Variants in CCDC178 observed in about 807,000 individuals in gnomAD.
CCDC178 encodes the protein coiled-coil domain containing 178.
A neutral mutation model predicts 117.4 loss-of-function variants in CCDC178; 126 were observed. That is an observed-to-expected ratio of 1.07 (90% CI 0.93 to 1.24). The LOEUF is 1.24. Among genes scored for constraint, CCDC178 ranks in the 50% most tolerant of loss-of-function variants. The pLI is 0.00. For synonymous variants in CCDC178, 283 were observed against 313.4 expected, an observed-to-expected ratio of 0.90 and a Z score of 1.02; for missense variants, 1,030 against 986.9, an observed-to-expected ratio of 1.04 and a Z score of -0.59.
intron 21 of CCDC178, among the ~76,000 whole-genome samples, chr18:33,018,695 T>G (rs749041310): frequency 2.6e-4 from 40 of 152,148 alleles, no homozygotes; most frequent in African/African-American, 9.4e-4. Context: ...AATAGGCAAA[T>G]CTATAGACAC....
chr18:33,431,100 A>C (rs1162885664), intron 2 of CCDC178, among the ~76,000 whole-genome samples: 1 of 150,008 alleles, frequency 6.7e-6, no homozygotes, highest in African/African-American at 2.4e-5. Flanking sequence ...AAAGAACATC[A>C]GCAACAATAA....
intron 21 of CCDC178, among the ~76,000 whole-genome samples, chr18:32,994,711 T>G (rs2055468636): frequency 6.6e-6 from 1 of 152,206 alleles, no homozygotes; most frequent in African/African-American, 2.4e-5. Context: ...CAAATAGGTT[T>G]TGTCTCAAGT....
chr18:33,105,593 G>A (rs2057694684), intron 20 of CCDC178, among the ~76,000 whole-genome samples: 1 of 151,480 alleles, frequency 6.6e-6, no homozygotes, highest in South Asian at 2.1e-4. Flanking sequence ...TATTTTGTTT[G>A]TGTGTGTGTT....
intron 2 of CCDC178, among the ~76,000 whole-genome samples, chr18:33,434,385 G>T (rs1267487526): frequency 1.3e-5 from 2 of 152,186 alleles, no homozygotes; most frequent in East Asian, 1.9e-4. Flanking sequence ...AGTGGGTAAA[G>T]AAATACATTT....
At chr18:33,208,662 A>C (rs1244846462) in intron 20 of CCDC178, among the ~76,000 whole-genome samples, 1 of 152,110 alleles carries the variant, frequency 6.6e-6, no homozygotes, top group Non-Finnish European at 1.5e-5. Flanking sequence ...TAATCTTTAG[A>C]ATATCTCAGA....
At chr18:33,003,963 A>T (rs537112081) in intron 21 of CCDC178, among the ~76,000 whole-genome samples, 103 of 152,226 alleles carry the variant, frequency 6.8e-4, no homozygotes, top group African/African-American at 2.3e-3. Flanking sequence ...CTAGTAATTA[A>T]CTAAAAAAGT....
At chr18:32,993,989 A>G (rs1882135668) in intron 21 of CCDC178, among the ~76,000 whole-genome samples, 2 of 152,048 alleles carry the variant, frequency 1.3e-5, no homozygotes, top group Non-Finnish European at 2.9e-5. Context: ...AACAGAGATT[A>G]CTACTATATA....
chr18:33,421,970 C>A (rs2064032822), intron 2 of CCDC178, among the ~76,000 whole-genome samples: 2 of 152,148 alleles, frequency 1.3e-5, no homozygotes, highest in African/African-American at 4.8e-5. Context: ...CAGAAGAAAT[C>A]AGACTTAGAT....
intron 14 of CCDC178, among the ~76,000 whole-genome samples, chr18:33,255,062 G>A (rs1407157552): frequency 2.6e-5 from 4 of 151,956 alleles, no homozygotes; most frequent in Non-Finnish European, 4.4e-5. Flanking sequence ...GAATTAATTA[G>A]TTCCCATGAG....
At chr18:33,259,651 C>CA (rs1397889483) in intron 14 of CCDC178, among the ~76,000 whole-genome samples, 1 of 148,464 alleles carries the variant, frequency 6.7e-6, no homozygotes. Context: ...GATTCAATCA[C>CA]CCCCCCCCAC....
rs552110749 is a variant in CCDC178 at position 33,366,895 on chromosome 18, T to C, written c.348+3155A>G. 1.4e-4 allele frequency among the ~76,000 whole-genome samples: 22 copies of C among 152,170 alleles called. 1 individual carries two copies. Among genetic ancestry groups the C allele is most frequent in the Middle Eastern group, 3.4e-3 (1 of 294 alleles). On this transcript the variant is annotated intron_variant, in intron 6 of 22. Transcript: ENST00000383096. Reference sequence around the variant, plus strand: ...ACATATATGTATATACAGATACATTTACAGACAGAAAAATGTTCCACTTCC... The same window carrying C: ...ACATATATGTATATACAGATACATTCACAGACAGAAAAATGTTCCACTTCC...
At chr18:32,978,032 C>A (rs191850625) in intron 21 of CCDC178, among the ~76,000 whole-genome samples, 1 of 152,112 alleles carries the variant, frequency 6.6e-6, no homozygotes, top group Non-Finnish European at 1.5e-5. Context: ...AGCCACAAGT[C>A]AAATGAGGAG....
chr18:33,151,971 T>C (rs1390599160), intron 20 of CCDC178, among the ~76,000 whole-genome samples: 1 of 152,056 alleles, frequency 6.6e-6, no homozygotes, highest in Admixed American at 6.5e-5. Flanking sequence ...AAATTACGTA[T>C]AAAGTATGTC....
intron 22 of CCDC178, among the ~76,000 whole-genome samples, chr18:32,963,800 CAG>C (rs2054755772): frequency 6.6e-6 from 1 of 152,000 alleles, no homozygotes; most frequent in Non-Finnish European, 1.5e-5. Flanking sequence ...TCTTTAAAGA[CAG>C]AGAGTATGTC....
intron 20 of CCDC178, among the ~76,000 whole-genome samples, chr18:33,096,436 T>C (rs1376681763): frequency 6.6e-6 from 1 of 150,428 alleles, no homozygotes; most frequent in Non-Finnish European, 1.5e-5. Flanking sequence ...TGTTTCACTT[T>C]GTGATATACA....
chr18:33,376,359 A>G (rs2063366320), intron 5 of CCDC178, among the ~76,000 whole-genome samples: 2 of 152,164 alleles, frequency 1.3e-5, no homozygotes, highest in African/African-American at 2.4e-5. Context: ...TAACAAAATG[A>G]TAAGAAAGTA....
intron 21 of CCDC178, among the ~76,000 whole-genome samples, chr18:33,054,006 C>G (rs1192185699): frequency 6.6e-6 from 1 of 151,990 alleles, no homozygotes; most frequent in Non-Finnish European, 1.5e-5. Flanking sequence ...CTTAAAACAT[C>G]ATACCAGAAT....
Position 33,059,531 on chromosome 18 carries a change from T to C in CCDC178, c.2388+33230A>G, listed in dbSNP as rs549596768. ...GGTGACTAGCAAAAGGCCTCAAATG[T>C]AGAAAAAGGTCATACAAATATGGTG... On this transcript the variant is annotated intron_variant, in intron 21 of 22. Transcript: ENST00000383096. 8.5e-5 allele frequency among the ~76,000 whole-genome samples: 13 copies of C among 152,262 alleles called. No homozygotes were observed. The South Asian group carries it at 2.1e-3, about 24-fold the overall frequency.
At chr18:33,127,194 A>G (rs1016426041) in intron 20 of CCDC178, among the ~76,000 whole-genome samples, 4 of 152,026 alleles carry the variant, frequency 2.6e-5, no homozygotes, top group Admixed American at 6.6e-5. Context: ...TTAAAAATAT[A>G]AACTTTCTGA....
Sources: allele counts gnomAD v4.1 joint callset (sites outside exome capture counted in the v4.1 genomes callset), GRCh38; gene constraint gnomAD v4.1.1; transcripts MANE v1.5; gene names NCBI Gene and HGNC (gene_info 2026-07-23, HGNC 2026-07-21).